Variants in NOS1AP observed in about 807,000 individuals in gnomAD.
The protein encoded by NOS1AP is carboxyl-terminal PDZ ligand of neuronal nitric oxide synthase protein.
A neutral mutation model predicts 56.2 loss-of-function variants in NOS1AP; 21 were observed. The ratio of observed to expected loss-of-function variants is 0.37; its 90% CI spans 0.26 to 0.54. The LOEUF (loss-of-function observed/expected upper bound fraction) is 0.54. Ranked by LOEUF, NOS1AP falls within the 20% of genes least tolerant of loss-of-function variation. The pLI, the probability that NOS1AP is intolerant of heterozygous loss-of-function variation, is 0.84. For missense variants in NOS1AP, 522 were observed against 657.8 expected (o/e 0.79, Z 2.26); for synonymous variants, 270 against 274.6 (o/e 0.98, Z 0.17).
At position 162,209,429 on chromosome 1, in the gene NOS1AP, G is replaced by A. The variant is rs148561821; in HGVS notation, c.177+54953G>A. 2.6e-5 allele frequency among the ~76,000 whole-genome samples: 4 copies of A among 152,234 alleles called. No homozygotes were observed. The East Asian group carries it at 5.8e-4, about 22-fold the overall frequency. ...TGCTTGGGGAAAATTAGGAGAAGTGGTATTTTAGGAGAACCCAGTACAAAC... is the reference window on the plus strand; with the variant it reads ...TGCTTGGGGAAAATTAGGAGAAGTGATATTTTAGGAGAACCCAGTACAAAC... On this transcript the variant is annotated intron_variant, in intron 2 of 9. Transcript: ENST00000361897.
intron 1 of NOS1AP, among the ~76,000 whole-genome samples, chr1:162,084,079 C>A (rs1217007414): frequency 6.6e-6 from 1 of 152,184 alleles, no homozygotes; most frequent in Non-Finnish European, 1.5e-5. Context: ...TAATTGGTTT[C>A]AAGCATATTC....
chr1:162,282,447 A>G (rs1455823699), intron 2 of NOS1AP, among the ~76,000 whole-genome samples: 1 of 152,220 alleles, frequency 6.6e-6, no homozygotes, highest in Non-Finnish European at 1.5e-5. Context: ...TTGTGAATCC[A>G]TTCATCCATT....
intron 2 of NOS1AP, among the ~76,000 whole-genome samples, chr1:162,273,589 C>T (rs1014783887): frequency 6.6e-6 from 1 of 152,208 alleles, no homozygotes; most frequent in African/African-American, 2.4e-5. Context: ...GCAAGGTTTT[C>T]ATTCACTCCA....
chr1:162,074,556 C>T (rs1481432693), intron 1 of NOS1AP, among the ~76,000 whole-genome samples: 1 of 152,176 alleles, frequency 6.6e-6, no homozygotes, highest in Non-Finnish European at 1.5e-5. Context: ...CAGATAATAA[C>T]AGAACCAGGA....
intron 1 of NOS1AP, among the ~76,000 whole-genome samples, chr1:162,125,325 G>T (rs1237899559): frequency 1.3e-5 from 2 of 151,690 alleles, no homozygotes; most frequent in Admixed American, 6.6e-5. Flanking sequence ...GTAGAGATGG[G>T]GTTTCACCAT....
intron 2 of NOS1AP, among the ~76,000 whole-genome samples, chr1:162,210,918 G>A (rs1308522117): frequency 1.3e-5 from 2 of 152,216 alleles, no homozygotes; most frequent in African/African-American, 2.4e-5. Context: ...CACGGAGTCC[G>A]CAGCTGCTGT....
intron 4 of NOS1AP, among the ~76,000 whole-genome samples, chr1:162,306,974 A>G (rs1655854222): frequency 6.6e-6 from 1 of 152,198 alleles, no homozygotes; most frequent in Non-Finnish European, 1.5e-5. Context: ...AAAAAAAAAA[A>G]AAATAGTTTC....
intron 2 of NOS1AP, among the ~76,000 whole-genome samples, chr1:162,180,113 A>G (rs1001857808): frequency 6.6e-6 from 1 of 152,216 alleles, no homozygotes. Flanking sequence ...TGATCATAAC[A>G]TCCAAATATT....
intron 2 of NOS1AP, among the ~76,000 whole-genome samples, chr1:162,205,808 G>A (rs898905699): frequency 6.6e-6 from 1 of 152,162 alleles, no homozygotes; most frequent in Non-Finnish European, 1.5e-5. Flanking sequence ...TGTTCCATGA[G>A]TAGGATGGGG....
chr1:162,121,885 T>C (rs929190176), intron 1 of NOS1AP, among the ~76,000 whole-genome samples: 1 of 152,216 alleles, frequency 6.6e-6, no homozygotes, highest in African/African-American at 2.4e-5. Flanking sequence ...TAATTGAATG[T>C]TCGCAGTTGG....
At chr1:162,257,940 C>T (rs1654085413) in intron 2 of NOS1AP, among the ~76,000 whole-genome samples, 1 of 152,160 alleles carries the variant, frequency 6.6e-6, no homozygotes, top group Admixed American at 6.5e-5. Flanking sequence ...CTTTGAGCAA[C>T]TCCATTAATC....
intron 2 of NOS1AP, among the ~76,000 whole-genome samples, chr1:162,248,453 C>A (rs1260468414): frequency 6.6e-6 from 1 of 152,132 alleles, no homozygotes; most frequent in Non-Finnish European, 1.5e-5. Context: ...ATAATCTTCT[C>A]TCATTAGATT....
chr1:162,355,890 G>C (rs750707236), intron 7 of NOS1AP, among the ~76,000 whole-genome samples: 2 of 152,164 alleles, frequency 1.3e-5, no homozygotes, highest in Non-Finnish European at 2.9e-5. Flanking sequence ...AGATGACTGT[G>C]GCATCTGGGG....
At chr1:162,317,145 A>G (rs1264774726) in intron 4 of NOS1AP, 1 of 127,296 alleles carries the variant, frequency 7.9e-6, no homozygotes, top group Non-Finnish European at 1.8e-5. Context: ...GCAGCCCCTG[A>G]CAGATGAGAT....
At chr1:162,278,233 C>T (rs1339399090) in intron 2 of NOS1AP, among the ~76,000 whole-genome samples, 5 of 152,118 alleles carry the variant, frequency 3.3e-5, no homozygotes, top group Non-Finnish European at 7.4e-5. Flanking sequence ...TATGAAGGTT[C>T]ATATCACATT....
At chr1:162,156,196 T>C (rs1649967562) in intron 2 of NOS1AP, among the ~76,000 whole-genome samples, 1 of 152,222 alleles carries the variant, frequency 6.6e-6, no homozygotes, top group Admixed American at 6.5e-5. Flanking sequence ...CTGTTTTTCA[T>C]GGACACAGTA....
chr1:162,182,369 C>T (rs1651292037), intron 2 of NOS1AP, among the ~76,000 whole-genome samples: 1 of 152,164 alleles, frequency 6.6e-6, no homozygotes. Context: ...GTGAGTCACA[C>T]AAATATTTTG....
At chr1:162,155,429 A>G (rs1279437778) in intron 2 of NOS1AP, among the ~76,000 whole-genome samples, 3 of 148,786 alleles carry the variant, frequency 2.0e-5, no homozygotes, top group Non-Finnish European at 4.4e-5. Flanking sequence ...GCCTATATAC[A>G]TACATATATA....
chr1:162,312,820 T>G (rs1165879169), intron 4 of NOS1AP, among the ~76,000 whole-genome samples: 1 of 151,912 alleles, frequency 6.6e-6, no homozygotes, highest in Admixed American at 6.6e-5. Flanking sequence ...GCAAGGCTGG[T>G]TCAATATATG....
Sources: allele counts gnomAD v4.1 joint callset (sites outside exome capture counted in the v4.1 genomes callset), GRCh38; gene constraint gnomAD v4.1.1; transcripts MANE v1.5; gene names NCBI Gene and HGNC (gene_info 2026-07-23, HGNC 2026-07-21).